The following NOS1AP variants were observed in gnomAD, a reference collection of about 807,000 sequenced individuals.
NOS1AP encodes carboxyl-terminal PDZ ligand of neuronal nitric oxide synthase protein.
In NOS1AP, 21 loss-of-function variants were observed where a neutral mutation model predicts 56.2. The ratio of observed to expected loss-of-function variants is 0.37; its 90% CI spans 0.26 to 0.54. NOS1AP has a LOEUF of 0.54. Ranked by LOEUF, NOS1AP falls within the 20% of genes least tolerant of loss-of-function variation. NOS1AP has a pLI of 0.84. For synonymous variants in NOS1AP, 270 were observed against 274.6 expected (o/e 0.98, Z 0.17); for missense variants, 522 against 657.8 (o/e 0.79, Z 2.26).
At chr1:162,161,002 C>G (rs930685079) in intron 2 of NOS1AP, among the ~76,000 whole-genome samples, 3 of 152,124 alleles carry the variant, frequency 2.0e-5, no homozygotes, top group Non-Finnish European at 2.9e-5. Context: ...GCTCATGGCC[C>G]CTTTCCATCC....
At chr1:162,307,005 T>C (rs1284026411) in intron 4 of NOS1AP, among the ~76,000 whole-genome samples, 2 of 152,204 alleles carry the variant, frequency 1.3e-5, no homozygotes, top group African/African-American at 2.4e-5. Context: ...CCGATAAGGC[T>C]GTTGAATAGA....
At chr1:162,175,479 G>A (rs1651013049) in intron 2 of NOS1AP, among the ~76,000 whole-genome samples, 2 of 152,090 alleles carry the variant, frequency 1.3e-5, no homozygotes, top group Admixed American at 1.3e-4. Context: ...ATTGTTTGTT[G>A]TTTTGAGCAC....
At position 162,217,267 on chromosome 1, in the gene NOS1AP, C is replaced by CTTTTTTTTTTTTTTTTTTTTTTTTTTTT. The variant is rs61378473; in HGVS notation, c.177+62805_177+62806insTTTTTTTTTTTTTTTTTTTTTTTTTTTT. Among the ~76,000 whole-genome samples the CTTTTTTTTTTTTTTTTTTTTTTTTTTTT allele has an allele frequency of 7.6e-4, 52 of 68,388 alleles. 19 individuals carry two copies. Among genetic ancestry groups the CTTTTTTTTTTTTTTTTTTTTTTTTTTTT allele is most frequent in the African/African-American group, 1.4e-3 (23 of 16,944 alleles). The allele number at this position is 68,388 out of a possible 152,430, so 44.9% of individuals were successfully genotyped here. A position where few individuals can be genotyped will look rare whatever the true frequency, so the allele number is the denominator to read the frequency against. On this transcript the variant is annotated intron_variant, in intron 2 of 9. Coordinates refer to ENST00000361897, the MANE Select transcript of NOS1AP (RefSeq NM_014697.3). ...TGGGTCCTGAAACAGCTGTTGTTAG[C>CTTTTTTTTTTTTTTTTTTTTTTTTTTTT]TTTTTTTTTTTTTTGAGATGAAGTC... is the stretch of plus-strand genomic sequence containing the variant.
rs143602205 is a variant in NOS1AP at position 162,207,108 on chromosome 1, C to G, written c.177+52632C>G. 8.5e-5 allele frequency among the ~76,000 whole-genome samples: 13 copies of G among 152,306 alleles called. No homozygotes were observed. In the East Asian group the frequency reaches 2.5e-3, roughly 29 times the overall value. ...ATAATTAGAGGGTTTGTTAAATGTG[C>G]TAGTGAAAAGAAGCTGTTTGCTGCT... is the stretch of plus-strand genomic sequence containing the variant. On this transcript the variant is annotated intron_variant, in intron 2 of 9. Transcript: ENST00000361897.
At chr1:162,299,188 C>A (rs1487475938) in intron 3 of NOS1AP, among the ~76,000 whole-genome samples, 1 of 152,084 alleles carries the variant, frequency 6.6e-6, no homozygotes, top group Non-Finnish European at 1.5e-5. Flanking sequence ...AATGTGTGCT[C>A]ATTATGAGGT....
intron 4 of NOS1AP, among the ~76,000 whole-genome samples, chr1:162,329,499 A>G (rs995031147): frequency 2.6e-5 from 4 of 152,212 alleles, no homozygotes; most frequent in African/African-American, 9.6e-5. Context: ...GAAAGTTGGG[A>G]AAATTGACTA....
intron 2 of NOS1AP, among the ~76,000 whole-genome samples, chr1:162,246,785 G>T (rs1012321576): frequency 1.1e-4 from 16 of 152,196 alleles, no homozygotes; most frequent in African/African-American, 3.9e-4. Flanking sequence ...TCCCCAATCT[G>T]TGCTGTGGGG....
intron 2 of NOS1AP, among the ~76,000 whole-genome samples, chr1:162,174,608 G>A (rs2102137313): frequency 6.6e-6 from 1 of 152,188 alleles, no homozygotes; most frequent in South Asian, 2.1e-4. Flanking sequence ...AACAGTTTTA[G>A]GTTTACAGAA....
At chr1:162,170,845 A>G (rs1188047243) in intron 2 of NOS1AP, among the ~76,000 whole-genome samples, 1 of 152,112 alleles carries the variant, frequency 6.6e-6, no homozygotes, top group East Asian at 1.9e-4. Context: ...AGGCTGAGGC[A>G]GGAGAATCGC....
At chr1:162,157,264 G>A (rs1650012709) in intron 2 of NOS1AP, 1 of 152,876 alleles carries the variant, frequency 6.5e-6, no homozygotes, top group South Asian at 2.1e-4. Flanking sequence ...CATTAAATTA[G>A]AGGGAGCAAT....
intron 8 of NOS1AP, among the ~76,000 whole-genome samples, chr1:162,359,974 A>T (rs1657844562): frequency 1.3e-5 from 2 of 151,902 alleles, no homozygotes; most frequent in African/African-American, 4.8e-5. Flanking sequence ...AGACAAGTGT[A>T]CCCTTGATGT....
At chr1:162,214,161 T>C (rs541079994) in intron 2 of NOS1AP, among the ~76,000 whole-genome samples, 1 of 152,390 alleles carries the variant, frequency 6.6e-6, no homozygotes, top group East Asian at 1.9e-4. Flanking sequence ...TTGGTGTGCC[T>C]GTGGGACCAG....
At chr1:162,208,043 G>T (rs1445382179) in intron 2 of NOS1AP, among the ~76,000 whole-genome samples, 1 of 152,162 alleles carries the variant, frequency 6.6e-6, no homozygotes, top group Non-Finnish European at 1.5e-5. Context: ...CTGTGGTCAG[G>T]CTTGGCTTCT....
chr1:162,248,924 C>A (rs765586002), intron 2 of NOS1AP, among the ~76,000 whole-genome samples: 2 of 152,152 alleles, frequency 1.3e-5, no homozygotes, highest in Non-Finnish European at 2.9e-5. Context: ...CAGCACCCCC[C>A]CCTTTCCTTT....
intron 2 of NOS1AP, among the ~76,000 whole-genome samples, chr1:162,281,418 T>C (rs1259183246): frequency 1.3e-5 from 2 of 152,218 alleles, no homozygotes; most frequent in African/African-American, 2.4e-5. Flanking sequence ...ATCAGTCATA[T>C]TTCTTGCTCT....
At position 162,367,677 on chromosome 1, in the gene NOS1AP, T is replaced by C. The variant is rs1658145617; in HGVS notation, c.*210T>C. The C allele has an allele frequency of 1.6e-6, 1 of 607,814 alleles. No individual in the cohort carries two copies. Among genetic ancestry groups the C allele is most frequent in the South Asian group, 2.1e-5 (1 of 48,236 alleles). The allele number at this position is 607,814 out of a possible 1,614,324, so 37.7% of individuals were successfully genotyped here. A position where few individuals can be genotyped will look rare whatever the true frequency, so the allele number is the denominator to read the frequency against. On this transcript the variant is annotated 3_prime_UTR_variant, in exon 10 of 10. Coordinates refer to ENST00000361897, the MANE Select transcript of NOS1AP (RefSeq NM_014697.3). This position sits in a 1 kb window ranked among gnomAD's most constrained non-coding sequence, Gnocchi z 6.5. The stretch of plus-strand genomic sequence containing the variant: ...GGATTCCCAGAGGTGAATCAGCTCC[T>C]CTCCTACTTGTGACTAGAGGGTGGT...
chr1:162,196,792 T>C (rs1412504364), intron 2 of NOS1AP, among the ~76,000 whole-genome samples: 2 of 152,226 alleles, frequency 1.3e-5, no homozygotes, highest in African/African-American at 4.8e-5. Flanking sequence ...ATATAGGGGT[T>C]GCTTGGGGGG....
chr1:162,100,359 C>T (rs573716515), intron 1 of NOS1AP, among the ~76,000 whole-genome samples: 3,035 of 151,610 alleles, frequency 0.02, 106 homozygotes, highest in African/African-American at 0.069. Flanking sequence ...ATTGTGGTTT[C>T]GATTTGCATT....
chr1:162,110,309 T>TTTTTTTTTTTTTTTTTTTTTTTTTTTTG, intron 1 of NOS1AP, among the ~76,000 whole-genome samples: 1 of 151,384 alleles, frequency 6.6e-6, no homozygotes, highest in African/African-American at 2.5e-5. Context: ...AAATAACTTT[T>TTTTTTTTTTTTTTTTTTTTTTTTTTTTG]AACATGCCCA....
Sources: gnomAD v4.1 joint callset for allele counts (sites outside exome capture counted in the v4.1 genomes callset) on GRCh38, gnomAD v4.1.1 for gene constraint, Gnocchi (gnomAD v3.1) non-coding constraint, MANE v1.5 for transcripts, NCBI Gene and HGNC (gene_info 2026-07-23, HGNC 2026-07-21) for gene names.